The following TNPO3 variants were observed in gnomAD, a reference collection of about 807,000 sequenced individuals.
TNPO3 encodes the protein transportin-3.
A neutral mutation model predicts 122.8 loss-of-function variants in TNPO3; 65 were observed. The ratio of observed to expected loss-of-function variants is 0.53; its 90% CI spans 0.43 to 0.65. The LOEUF is 0.65. TNPO3 is among the 30% of genes least tolerant of loss of function. The pLI is 0.00. For synonymous variants in TNPO3, 372 were observed against 411.2 expected (o/e 0.90, Z 1.15); for missense variants, 850 against 1,136.7 (o/e 0.75, Z 3.63).
intron 1 of TNPO3, among the ~76,000 whole-genome samples, chr7:129,053,425 G>A (rs1809041153): frequency 6.6e-6 from 1 of 150,888 alleles, no homozygotes; most frequent in East Asian, 1.9e-4. Context: ...AACCCGGGAG[G>A]AGGAGGTTGC....
chr7:129,047,481 C>T (rs1475339717), intron 1 of TNPO3, among the ~76,000 whole-genome samples: 2 of 152,204 alleles, frequency 1.3e-5, no homozygotes, highest in African/African-American at 4.8e-5. Flanking sequence ...TCACATAAAA[C>T]AACCATGGCT....
chr7:129,020,783 C>G (rs1413116383), intron 1 of TNPO3, among the ~76,000 whole-genome samples: 1 of 152,106 alleles, frequency 6.6e-6, no homozygotes, highest in African/African-American at 2.4e-5. Flanking sequence ...AAGCTTTATA[C>G]AATCTCCACA....
upstream of TNPO3, chr7:129,056,083 TG>T: frequency 2.6e-6 from 3 of 1,145,330 alleles, no homozygotes; most frequent in Non-Finnish European, 3.9e-6. Context: ...AAGAAATGTC[TG>T]GGGGAGCTCA....
chr7:128,997,381 G>A lies in TNPO3; in HGVS notation c.1158+8C>T, dbSNP rs1221857776. 6.2e-7 allele frequency: 1 copy of A among 1,613,758 alleles called. No individual in the cohort carries two copies. Among genetic ancestry groups the A allele is most frequent in the Non-Finnish European group, 8.5e-7 (1 of 1,179,854 alleles). ...TTAAGATTTGAAGAGGTAGAGAAGG[G>A]AACTTACATGGTCTGGTTCCAGCTG... On this transcript the variant is annotated splice_region_variant and intron_variant, in intron 8 of 22. Transcript: ENST00000265388.
chr7:129,025,416 G>T (rs1040159215), intron 1 of TNPO3, among the ~76,000 whole-genome samples: 2 of 119,548 alleles, frequency 1.7e-5, no homozygotes, highest in African/African-American at 6.4e-5. Flanking sequence ...ACTCAACTAT[G>T]AAGTGTGAGA....
rs117193287 is a variant in TNPO3, at chr7:128,974,575, A to G, written c.2273+293T>C. Among the ~76,000 whole-genome samples, 10 of 152,306 alleles carry G rather than the reference A, an allele frequency of 6.6e-5. No individual in the cohort carries two copies. In the East Asian group the frequency reaches 1.7e-3, roughly 26 times the overall value. On this transcript the variant is annotated intron_variant, in intron 18 of 22. Transcript: ENST00000265388. ...GCAACAGCACGAACAGTTAAAACCT[A>G]CAGAGGACTGTAGAGATGATCTAGT...
At position 128,986,915 on chromosome 7, in the gene TNPO3, C is replaced by G; in HGVS notation, c.1504G>C (p.Val502Leu). The change falls in exon 12 of 23, where the codon GTG becomes CTG. Residue 502 changes from valine to leucine, a missense_variant. Transcript: ENST00000265388. ...AGGCCTTTCATCAAATAGCCCAACA[C>G]AGGGTCTAAGAAGAAAAGCCAAGCA... ...VDRNPQFLDP[V>L]LGYLMKGLCE... The G allele has an allele frequency of 6.2e-7, 1 of 1,609,632 alleles. No individual in the cohort carries two copies. Among genetic ancestry groups the G allele is most frequent in the Non-Finnish European group, 8.5e-7 (1 of 1,178,586 alleles).
At chr7:128,982,416 T>C in intron 13 of TNPO3, 92 bp from the exon 14 acceptor site, 2 of 1,132,492 alleles carry the variant, frequency 1.8e-6, no homozygotes, top group Non-Finnish European at 2.6e-6. Context: ...TCTCAATCTC[T>C]GCTTATTTCC....
chr7:129,024,070 T>C (rs945293334), intron 1 of TNPO3, among the ~76,000 whole-genome samples: 3 of 152,238 alleles, frequency 2.0e-5, no homozygotes, highest in African/African-American at 7.2e-5. Context: ...CCGGCCTTGA[T>C]ACCTTGCTTA....
intron 8 of TNPO3, among the ~76,000 whole-genome samples, chr7:128,995,545 C>T (rs1028356277): frequency 6.6e-6 from 1 of 152,198 alleles, no homozygotes; most frequent in African/African-American, 2.4e-5. Context: ...AAGCGCTATA[C>T]ACTTACAAGT....
intron 1 of TNPO3, among the ~76,000 whole-genome samples, chr7:129,026,114 AGACTCC>A (rs1266827150): frequency 2.2e-5 from 3 of 138,656 alleles, no homozygotes; most frequent in African/African-American, 8.3e-5. Flanking sequence ...CGGCAGAGTG[AGACTCC>A]GTCTCAAAAA....
chr7:128,972,831 A>C (rs947992175), intron 18 of TNPO3, among the ~76,000 whole-genome samples: 7 of 152,170 alleles, frequency 4.6e-5, no homozygotes, highest in African/African-American at 1.7e-4. Flanking sequence ...CCAAGAGTGA[A>C]GCCTAATGTA....
At chr7:129,014,764 A>G (rs1435420859) in intron 4 of TNPO3, among the ~76,000 whole-genome samples, 1 of 152,242 alleles carries the variant, frequency 6.6e-6, no homozygotes. Flanking sequence ...TTTTTCATTC[A>G]TAAAAGAGAT....
chr7:128,966,167 A>G (rs1797910809), intron 21 of TNPO3, among the ~76,000 whole-genome samples: 1 of 152,140 alleles, frequency 6.6e-6, no homozygotes, highest in African/African-American at 2.4e-5. Context: ...TAACCTTTAC[A>G]ATTTATCTTG....
At chr7:128,993,533 A>G (rs898045649) in intron 9 of TNPO3, among the ~76,000 whole-genome samples, 6 of 152,204 alleles carry the variant, frequency 3.9e-5, no homozygotes, top group East Asian at 1.9e-4. Flanking sequence ...ATGCTTATCT[A>G]TGATCTTCTA....
intron 12 of TNPO3, among the ~76,000 whole-genome samples, chr7:128,985,254 A>G (rs966130085): frequency 6.6e-6 from 1 of 152,250 alleles, no homozygotes; most frequent in Non-Finnish European, 1.5e-5. Context: ...GCCTAATTTC[A>G]GCATGATTTT....
At chr7:129,013,778 C>G (rs999473209) in intron 4 of TNPO3, among the ~76,000 whole-genome samples, 1 of 152,210 alleles carries the variant, frequency 6.6e-6, no homozygotes, top group Middle Eastern at 3.4e-3. Flanking sequence ...ATGAAATATT[C>G]GTTAGCCACA....
intron 21 of TNPO3, among the ~76,000 whole-genome samples, chr7:128,966,141 T>C (rs775177709): frequency 3.3e-5 from 5 of 152,234 alleles, no homozygotes; most frequent in African/African-American, 7.2e-5. Flanking sequence ...AGTTAGGTTA[T>C]GTAATACTGT....
chr7:129,025,336 G>A (rs1237136972), intron 1 of TNPO3, among the ~76,000 whole-genome samples: 1 of 87,196 alleles, frequency 1.1e-5, no homozygotes, highest in Non-Finnish European at 2.0e-5. Context: ...GGCAACAAGA[G>A]TGAAACTCTG....
Sources: gnomAD v4.1 joint callset for allele counts (sites outside exome capture counted in the v4.1 genomes callset) on GRCh38, gnomAD v4.1.1 for gene constraint, MANE v1.5 for transcripts, NCBI Gene and HGNC (gene_info 2026-07-23, HGNC 2026-07-21) for gene names.